Variants in PTPRD observed in about 807,000 individuals in gnomAD.
The protein encoded by PTPRD is protein tyrosine phosphatase receptor type D, also known as receptor-type tyrosine-protein phosphatase delta.
PTPRD carries 34 observed loss-of-function variants against 214.5 expected under a neutral mutation model. The observed-to-expected ratio is 0.16, with a 90% CI of 0.12 to 0.21. PTPRD has a LOEUF of 0.21. Among genes scored for constraint, PTPRD ranks in the 10% least tolerant of loss-of-function variants. The pLI is 1.00. For missense variants in PTPRD, 2,545 were observed against 2,398.7 expected (o/e 1.06, Z -1.27); for synonymous variants, 1,128 against 845.7 (o/e 1.33, Z -5.79).
At chr9:9,107,464 C>G (rs1454809413) in intron 10 of PTPRD, among the ~76,000 whole-genome samples, 4 of 152,122 alleles carry the variant, frequency 2.6e-5, no homozygotes, top group Non-Finnish European at 5.9e-5. Context: ...TAACCTTTAC[C>G]TGACTCTACT....
chr9:9,644,745 T>C (rs114798476), intron 7 of PTPRD, among the ~76,000 whole-genome samples: 2,705 of 152,012 alleles, frequency 0.018, 78 homozygotes, highest in African/African-American at 0.062. Flanking sequence ...AATCCCCACA[T>C]CCTGTACCCA....
chr9:9,564,634 C>G (rs997645625), intron 8 of PTPRD, among the ~76,000 whole-genome samples: 2 of 151,844 alleles, frequency 1.3e-5, no homozygotes, highest in African/African-American at 4.8e-5. Context: ...TCTTCGAATC[C>G]TGGGGTACAT....
chr9:8,509,157 C>T (rs376335546), intron 21 of PTPRD, among the ~76,000 whole-genome samples: 1 of 151,398 alleles, frequency 6.6e-6, no homozygotes, highest in Non-Finnish European at 1.5e-5. Flanking sequence ...AAGGTGGAAG[C>T]GAAAGAAGAT....
intron 12 of PTPRD, among the ~76,000 whole-genome samples, chr9:8,709,806 G>A (rs971810963): frequency 6.6e-6 from 1 of 152,128 alleles, no homozygotes; most frequent in South Asian, 2.1e-4. Flanking sequence ...AAAGTGACTA[G>A]AGTTATAAAA....
intron 11 of PTPRD, chr9:8,935,953 T>A (rs551840164): frequency 6.6e-6 from 1 of 152,162 alleles, no homozygotes; most frequent in African/African-American, 2.4e-5. Context: ...TGAACCTTTT[T>A]CCTCAGTTTT....
intron 14 of PTPRD, among the ~76,000 whole-genome samples, chr9:8,534,955 A>G (rs1185273918): frequency 6.6e-6 from 1 of 151,936 alleles, no homozygotes; most frequent in East Asian, 1.9e-4. Flanking sequence ...CATTCTACAA[A>G]TATTTATTGA....
intron 35 of PTPRD, among the ~76,000 whole-genome samples, chr9:8,426,377 C>G (rs971478462): frequency 6.6e-6 from 1 of 152,182 alleles, no homozygotes; most frequent in Non-Finnish European, 1.5e-5. Context: ...TATGGCATCC[C>G]TCTAAGTACA....
chr9:8,742,031 G>C (rs1051598794), intron 11 of PTPRD, among the ~76,000 whole-genome samples: 1 of 152,070 alleles, frequency 6.6e-6, no homozygotes, highest in Non-Finnish European at 1.5e-5. Flanking sequence ...AATTTATCAT[G>C]AAGCGATTAT....
chr9:8,599,603 C>A (rs1594924743), intron 14 of PTPRD, among the ~76,000 whole-genome samples: 1 of 105,400 alleles, frequency 9.5e-6, no homozygotes, highest in African/African-American at 3.6e-5. Flanking sequence ...CTTTCCCCCA[C>A]CCGCCCACCC....
chr9:9,769,085 G>A (rs2098730089), intron 5 of PTPRD, among the ~76,000 whole-genome samples: 1 of 151,838 alleles, frequency 6.6e-6, no homozygotes, highest in South Asian at 2.1e-4. Flanking sequence ...CTAATATTAG[G>A]AGGAAATAAG....
intron 36 of PTPRD, among the ~76,000 whole-genome samples, chr9:8,395,750 T>C (rs1378454880): frequency 6.6e-6 from 1 of 151,972 alleles, no homozygotes; most frequent in Non-Finnish European, 1.5e-5. Context: ...TCCTCATTAA[T>C]GTATGTCTTC....
At chr9:8,800,678 C>G (rs2096553202) in intron 11 of PTPRD, among the ~76,000 whole-genome samples, 1 of 152,188 alleles carries the variant, frequency 6.6e-6, no homozygotes, top group Non-Finnish European at 1.5e-5. Flanking sequence ...GGGCAACCAG[C>G]AGCCTCGGGG....
chr9:9,307,945 T>C (rs1957649531), intron 9 of PTPRD, among the ~76,000 whole-genome samples: 1 of 152,032 alleles, frequency 6.6e-6, no homozygotes, highest in Non-Finnish European at 1.5e-5. Context: ...GGGATAACCC[T>C]CCCCACGCTG....
chr9:9,451,807 A>C (rs1029267953), intron 8 of PTPRD, among the ~76,000 whole-genome samples: 7 of 151,592 alleles, frequency 4.6e-5, no homozygotes, highest in Admixed American at 3.3e-4. Context: ...TTAATTTTAG[A>C]AAGTTAGAAG....
chr9:10,547,537 C>A (rs1261056643), intron 2 of PTPRD, among the ~76,000 whole-genome samples: 1 of 151,942 alleles, frequency 6.6e-6, no homozygotes, highest in Non-Finnish European at 1.5e-5. Context: ...AAATCTCATT[C>A]CCCTCTTCCC....
At chr9:10,001,421 A>G (rs889021284) in intron 4 of PTPRD, among the ~76,000 whole-genome samples, 5 of 152,136 alleles carry the variant, frequency 3.3e-5, no homozygotes, top group Admixed American at 3.3e-4. Context: ...AGCTTAATAA[A>G]TTATAAGGAT....
rs148050839 is a variant in PTPRD at position 9,054,462 on chromosome 9, C to T, written c.-142-35727G>A. ...AGATATAAAATTATCATGACGTTTA[C>T]CAGTAATATTTATGATGATTCCTAC... is the stretch of plus-strand genomic sequence containing the variant. On this transcript the variant is annotated intron_variant, in intron 10 of 45. Coordinates refer to ENST00000381196, the MANE Select transcript of PTPRD (RefSeq NM_002839.4). Among the ~76,000 whole-genome samples, 186 of 152,138 alleles carry T rather than the reference C, an allele frequency of 1.2e-3. 1 individual carries two copies. The highest frequency in any genetic ancestry group is 4.3e-3 in the African/African-American group (180 of 41,500).
At chr9:10,500,222 T>C (rs1021697890) in intron 2 of PTPRD, among the ~76,000 whole-genome samples, 5 of 151,874 alleles carry the variant, frequency 3.3e-5, no homozygotes, top group African/African-American at 7.2e-5. Flanking sequence ...GTAAACTAAC[T>C]TTCTGTAAGA....
At chr9:8,642,623 G>C (rs2096602101) in intron 12 of PTPRD, among the ~76,000 whole-genome samples, 1 of 152,058 alleles carries the variant, frequency 6.6e-6, no homozygotes, top group Non-Finnish European at 1.5e-5. Flanking sequence ...GGGCCTTTGG[G>C]GTCTGGTGGG....
Sources: allele counts gnomAD v4.1 joint callset (sites outside exome capture counted in the v4.1 genomes callset), GRCh38; gene constraint gnomAD v4.1.1; transcripts MANE v1.5; gene names NCBI Gene and HGNC (gene_info 2026-07-23, HGNC 2026-07-21).